The following LIN54 variants were observed in gnomAD, a reference collection of about 807,000 sequenced individuals.
LIN54 encodes lin-54 DREAM MuvB core complex component, also known as protein lin-54 homolog.
Under a neutral mutation model 78.7 loss-of-function variants are expected in LIN54, and 9 were observed. That is an observed-to-expected ratio of 0.11 (90% confidence interval 0.07 to 0.20). The LOEUF (loss-of-function observed/expected upper bound fraction) is 0.20, where lower values mean the gene tolerates loss of function less well. LIN54 is among the 10% of genes least tolerant of loss of function. The pLI, the probability that LIN54 is intolerant of heterozygous loss-of-function variation, is 1.00. For synonymous variants in LIN54, 269 were observed against 318.4 expected, an observed-to-expected ratio of 0.84 and a Z score of 1.65; for missense variants, 573 against 889.9, an observed-to-expected ratio of 0.64 and a Z score of 4.53.
At chr4:82,961,338 A>G (rs1308131985) in intron 4 of LIN54, among the ~76,000 whole-genome samples, 1 of 152,206 alleles carries the variant, frequency 6.6e-6, no homozygotes, top group African/African-American at 2.4e-5. Flanking sequence ...GGAGGAGTTC[A>G]AGAAGATATA....
intron 11 of LIN54, among the ~76,000 whole-genome samples, chr4:82,932,547 G>C (rs1176566914): frequency 6.6e-6 from 1 of 151,172 alleles, no homozygotes; most frequent in African/African-American, 2.4e-5. Context: ...TGCCAGGCGC[G>C]GTGGCTCACG....
Position 82,927,831 on chromosome 4 carries a change from GAA to G in LIN54, c.*269_*270del, listed in dbSNP as rs1240265337. On this transcript the variant is annotated 3_prime_UTR_variant, in exon 13 of 13. Coordinates refer to ENST00000340417, the MANE Select transcript of LIN54 (RefSeq NM_194282.4). Reference sequence around the variant, plus strand: ...TTTTTTGTCAAAGGTATCAGAAAGAGAACATCTAATTCTTAAGAAACCCAAGC... The same window carrying G: ...TTTTTTGTCAAAGGTATCAGAAAGAGCATCTAATTCTTAAGAAACCCAAGC... 2 of 349,494 alleles carry G rather than the reference GAA, an allele frequency of 5.7e-6. No homozygotes were observed. The highest frequency in any genetic ancestry group is 4.3e-5 in the African/African-American group (2 of 46,900). 21.6% of individuals were successfully genotyped at this position (349,494 alleles called of 1,614,324 possible).
chr4:82,928,354 A>G (rs1560710806), intron 12 of LIN54, 51 bp from the exon 13 acceptor site: 2 of 1,357,308 alleles, frequency 1.5e-6, no homozygotes, highest in African/African-American at 1.4e-5. Context: ...AATAACAACA[A>G]AAGTGGATAA....
chr4:82,939,374 A>G (rs921992), intron 7 of LIN54, among the ~76,000 whole-genome samples, 165 bp downstream of exon 7: 81,416 of 152,148 alleles, frequency 0.54, 23,789 homozygotes, highest in East Asian at 0.78. Context: ...AAATGCTAAA[A>G]GTACATAGAA....
chr4:82,930,289 G>C (rs898180512), intron 12 of LIN54, among the ~76,000 whole-genome samples: 1 of 152,142 alleles, frequency 6.6e-6, no homozygotes, highest in African/African-American at 2.4e-5. Flanking sequence ...TCTAATACCA[G>C]TCCAGTCCAG....
chr4:82,977,094 G>C (rs8180266), intron 3 of LIN54, among the ~76,000 whole-genome samples: 1 of 152,108 alleles, frequency 6.6e-6, no homozygotes, highest in African/African-American at 2.4e-5. Context: ...AATTCATTCA[G>C]ACACTTCCGC....
chr4:82,935,259 C>CATATATAT (rs752988636), intron 11 of LIN54, among the ~76,000 whole-genome samples: 2 of 145,752 alleles, frequency 1.4e-5, no homozygotes, highest in East Asian at 4.0e-4. Flanking sequence ...ATTTTGTATC[C>CATATATAT]ATATATATAT....
rs1243211960 is a variant in LIN54, at chr4:82,979,606, TTTACTAAACTATTATG to T, written c.685-616_685-601del. 2.0e-5 allele frequency among the ~76,000 whole-genome samples: 3 copies of T among 152,114 alleles called. No individual in the cohort carries two copies. In the East Asian group the frequency reaches 5.8e-4, roughly 29 times the overall value. ...TAAGGGCAACAGCTCTGAAATATTA[TTTACTAAACTATTATG>T]TACTACACTTTTCTTCTTTTAAAGA... is the stretch of plus-strand genomic sequence containing the variant. On this transcript the variant is annotated intron_variant, in intron 2 of 12. Transcript: ENST00000340417.
chr4:82,977,550 T>A (rs557429407), intron 3 of LIN54, among the ~76,000 whole-genome samples: 1 of 152,240 alleles, frequency 6.6e-6, no homozygotes, highest in African/African-American at 2.4e-5. Flanking sequence ...TACATACAAA[T>A]ACAAATCAAG....
intron 11 of LIN54, 26 bp from the exon 12 acceptor site, chr4:82,931,171 T>G: frequency 1.2e-6 from 2 of 1,602,676 alleles, no homozygotes; most frequent in Non-Finnish European, 1.7e-6. Flanking sequence ...AAGAAAAGTT[T>G]CCAAATCAAA....
intron 1 of LIN54, among the ~76,000 whole-genome samples, chr4:83,000,384 C>A (rs78042989): frequency 6.6e-6 from 1 of 152,114 alleles, no homozygotes; most frequent in Non-Finnish European, 1.5e-5. Flanking sequence ...GCTGCTAAAC[C>A]CTGAGCCTTG....
chr4:82,987,701 G>A (rs1178945095), intron 1 of LIN54, among the ~76,000 whole-genome samples: 2 of 152,306 alleles, frequency 1.3e-5, no homozygotes, highest in African/African-American at 2.4e-5. Flanking sequence ...CTCTGCAGAG[G>A]ACATGATCTC....
intron 3 of LIN54, among the ~76,000 whole-genome samples, chr4:82,974,287 A>G (rs1393306373): frequency 6.6e-6 from 1 of 152,120 alleles, no homozygotes; most frequent in East Asian, 1.9e-4. Context: ...GAGGAGAAAG[A>G]GAAAGAGTGA....
chr4:82,937,284 T>A lies in LIN54; in HGVS notation c.1547A>T (p.Glu516Val). 1 of 1,592,830 alleles carries A rather than the reference T, an allele frequency of 6.3e-7. No homozygotes were observed. The highest frequency in any genetic ancestry group is 8.6e-7 in the Non-Finnish European group (1 of 1,160,734). Reference protein sequence around the residue: ...RLPFNGIIPSESASRPRKPCN... With the variant: ...RLPFNGIIPSVSASRPRKPCN... ...GGGCTTTCGGGGCCGACTGGCCGAC[T>A]CTGATGGGATTATGCTGTACAGATA... is the stretch of plus-strand genomic sequence containing the variant. Residue 516 changes from glutamate to valine, a missense_variant, in exon 9 of 13, where the codon GAG becomes GTG. Transcript: ENST00000340417.
At chr4:82,947,235 A>ATATATATATATATAT in intron 4 of LIN54, among the ~76,000 whole-genome samples, 1 of 44,292 alleles carries the variant, frequency 2.3e-5, no homozygotes, top group Non-Finnish European at 3.7e-5. Context: ...ATATATATAT[A>ATATATATATATATAT]TTTTTTTTTT....
At chr4:82,933,704 A>T (rs1722154951) in intron 11 of LIN54, among the ~76,000 whole-genome samples, 1 of 152,232 alleles carries the variant, frequency 6.6e-6, no homozygotes, top group African/African-American at 2.4e-5. Flanking sequence ...GTTACTAGAC[A>T]GTGTATCTGT....
chr4:82,928,882 T>C (rs1181799922), intron 12 of LIN54, among the ~76,000 whole-genome samples: 1 of 152,224 alleles, frequency 6.6e-6, no homozygotes, highest in African/African-American at 2.4e-5. Context: ...AAATGTTCTG[T>C]ACACAGAGTT....
rs535099932 is a variant in LIN54, at chr4:82,993,676, G to A, written c.-32-8800C>T. Among the ~76,000 whole-genome samples the A allele has an allele frequency of 4.1e-4, 63 of 151,912 alleles. No homozygotes were observed. In the East Asian group the frequency reaches 0.011, roughly 26 times the overall value. ...TCTGTCACCCAGGCTGGAGTGCAGT[G>A]GTGTGATCTTGGCTCACTTCAACCT... On this transcript the variant is annotated intron_variant, in intron 1 of 12. Coordinates refer to ENST00000340417, the MANE Select transcript of LIN54 (RefSeq NM_194282.4).
rs570895561 is a variant in LIN54 at position 82,976,419 on chromosome 4, G to A, written c.808+2464C>T. Among the ~76,000 whole-genome samples the A allele has an allele frequency of 7.2e-5, 11 of 151,956 alleles. No individual in the cohort carries two copies. In the East Asian group the frequency reaches 2.1e-3, roughly 29 times the overall value. On this transcript the variant is annotated intron_variant, in intron 3 of 12. Transcript: ENST00000340417. ...AAAAATCTCAAGGTACTTTGAAAGA[G>A]CATTAGCTAGCAGGGCGCAGTGGCT... is the stretch of plus-strand genomic sequence containing the variant.
Sources: gnomAD v4.1 joint callset for allele counts (sites outside exome capture counted in the v4.1 genomes callset) on GRCh38, gnomAD v4.1.1 for gene constraint, MANE v1.5 for transcripts, NCBI Gene and HGNC (gene_info 2026-07-23, HGNC 2026-07-21) for gene names.